Variants in FGF13 observed in about 807,000 individuals in gnomAD.
FGF13 encodes the protein fibroblast growth factor 13.
FGF13 carries 2 observed loss-of-function variants against 19.5 expected under a neutral mutation model. The ratio of observed to expected loss-of-function variants is 0.10; its 90% CI spans 0.04 to 0.32. The LOEUF (loss-of-function observed/expected upper bound fraction) is 0.32. Ranked by LOEUF, FGF13 falls within the 10% of genes least tolerant of loss-of-function variation. The probability of loss-of-function intolerance (pLI) is 1.00; values close to 1 mark genes in which losing one functional copy is unlikely to be tolerated. For synonymous variants in FGF13, 72 were observed against 76.9 expected, an observed-to-expected ratio of 0.94 and a Z score of 0.33; for missense variants, 113 against 192.7, an observed-to-expected ratio of 0.59 and a Z score of 2.45.
chrX:138,792,445 T>A (rs1408828943), intron 3 of FGF13, among the ~76,000 whole-genome samples: 1 of 111,680 alleles, frequency 9.0e-6, no homozygotes, highest in African/African-American at 3.3e-5. Context: ...TTTTTCTCCC[T>A]AGAGCATGTG....
At chrX:139,141,095 A>G (rs1017094828) in intron 1 of FGF13, among the ~76,000 whole-genome samples, 1 of 95,851 alleles carries the variant, frequency 1.0e-5, no homozygotes, top group African/African-American at 4.3e-5. Context: ...ATAGATAGAT[A>G]AGAGTGTACA....
intron 3 of FGF13, among the ~76,000 whole-genome samples, chrX:138,667,206 A>G (rs1339878765): frequency 9.3e-6 from 1 of 107,311 alleles, no homozygotes; most frequent in Non-Finnish European, 1.9e-5. Flanking sequence ...TTTGGAATAT[A>G]TGTATACATA....
intron 3 of FGF13, among the ~76,000 whole-genome samples, chrX:138,678,660 T>C (rs2089697881): frequency 1.8e-5 from 2 of 111,860 alleles, no homozygotes; most frequent in African/African-American, 6.5e-5. Flanking sequence ...TTTGAAATGA[T>C]GGCAAACTTA....
intron 3 of FGF13, among the ~76,000 whole-genome samples, chrX:138,811,339 C>T (rs2090922823): frequency 9.1e-6 from 1 of 110,007 alleles, no homozygotes; most frequent in Non-Finnish European, 1.9e-5. Context: ...GCAAACTATC[C>T]CAAGGACAAA....
chrX:138,724,591 T>C (rs2090171473), intron 1 of FGF13, among the ~76,000 whole-genome samples: 1 of 112,002 alleles, frequency 8.9e-6, no homozygotes, highest in Non-Finnish European at 1.9e-5. Flanking sequence ...TTTTTAAGTA[T>C]AGTGCTTAAC....
At chrX:138,920,311 A>C (rs1028776364) in intron 1 of FGF13, among the ~76,000 whole-genome samples, 2 of 111,658 alleles carry the variant, frequency 1.8e-5, no homozygotes, top group African/African-American at 6.5e-5. Context: ...TGAAGTCAGC[A>C]TAAAAATCCC....
rs139325738 is a variant in FGF13 at position 138,768,955 on chromosome X, T to C, written c.218-60027A>G. Among the ~76,000 whole-genome samples the C allele has an allele frequency of 7.0e-3, 770 of 109,295 alleles. 11 individuals carry two copies. The highest frequency in any genetic ancestry group is 0.024 in the African/African-American group (729 of 29,953). 94.9% of individuals were successfully genotyped at this position (109,295 alleles called of 115,157 possible). On this transcript the variant is annotated intron_variant, in intron 3 of 6. Transcript: ENST00000436198. ...AGCACAGCATACTCTTGACTGCTTT[T>C]GTTCTGTTCTGGGGGTGTCTAATTG...
chrX:139,002,419 G>A (rs1054701167), intron 1 of FGF13, among the ~76,000 whole-genome samples: 6 of 110,913 alleles, frequency 5.4e-5, no homozygotes, highest in Admixed American at 9.6e-5. Flanking sequence ...TAATATTGCC[G>A]TCAAAAAAAT....
chrX:139,164,997 A>G (rs2084069731), intron 1 of FGF13, among the ~76,000 whole-genome samples: 1 of 111,839 alleles, frequency 8.9e-6, no homozygotes, highest in South Asian at 3.7e-4. Context: ...GCTCAGAAGA[A>G]AAGAAGACTA....
At chrX:139,204,277 A>G (rs1391357201), upstream of FGF13, 1 of 464,537 alleles carries the variant, frequency 2.2e-6, no homozygotes. Context: ...GCTGCCTACG[A>G]GAGAGTGGGG....
intron 3 of FGF13, among the ~76,000 whole-genome samples, chrX:138,687,400 A>G (rs1321927004): frequency 8.9e-6 from 1 of 112,463 alleles, no homozygotes; most frequent in Non-Finnish European, 1.9e-5. Context: ...ACACATGAAA[A>G]ATATGCTCAA....
chrX:139,200,912 C>T (rs190438907), intron 1 of FGF13, among the ~76,000 whole-genome samples: 109 of 112,183 alleles, frequency 9.7e-4, no homozygotes, highest in African/African-American at 3.3e-3. Flanking sequence ...TGAGTCAAAG[C>T]TAAGAGAATA....
At chrX:138,992,980 G>C (rs2092024199) in intron 1 of FGF13, among the ~76,000 whole-genome samples, 1 of 111,951 alleles carries the variant, frequency 8.9e-6, no homozygotes, top group Non-Finnish European at 1.9e-5. Flanking sequence ...TGTACCTCTT[G>C]ATATCATGCA....
intron 1 of FGF13, among the ~76,000 whole-genome samples, chrX:139,153,347 GAAAA>G (rs34314115): frequency 1.1e-5 from 1 of 89,200 alleles, no homozygotes; most frequent in South Asian, 5.1e-4. Context: ...AAGAGATAAT[GAAAA>G]AAAAAAAAAA....
intron 1 of FGF13, among the ~76,000 whole-genome samples, chrX:138,984,588 A>AAGAAGAAGAAGAAGAAGAAGAAGGAGG (rs2091982501): frequency 1.7e-4 from 2 of 11,515 alleles, no homozygotes; most frequent in Non-Finnish European, 3.8e-4. Context: ...GAAGAAGAAG[A>AAGAAGAAGAAGAAGAAGAAGAAGGAGG]AGGAGGAGGA....
intron 1 of FGF13, among the ~76,000 whole-genome samples, chrX:139,022,167 T>G (rs2092180576): frequency 9.0e-6 from 1 of 111,362 alleles, no homozygotes; most frequent in Non-Finnish European, 1.9e-5. Context: ...GAAGTAGGAC[T>G]AATGGACTAG....
chrX:138,677,940 C>A (rs1271058585), intron 3 of FGF13, among the ~76,000 whole-genome samples: 1 of 111,981 alleles, frequency 8.9e-6, no homozygotes, highest in East Asian at 2.8e-4. Context: ...AAATGTCCAA[C>A]AATGATAGAC....
rs527595801 is a variant in FGF13, at chrX:139,118,734, C to T, written c.-113+84682G>A. 8.9e-4 allele frequency among the ~76,000 whole-genome samples: 100 copies of T among 111,775 alleles called. 1 individual carries two copies. In the South Asian group the frequency reaches 0.016, roughly 18 times the overall value. On this transcript the variant is annotated intron_variant, in intron 1 of 2. Coordinates refer to the FGF13 transcript ENST00000421460. ...CCACCAGAACTCCCTGAGAGCTTTTCACCTTCCTGCCTTTGCCAGTATCTA... is the reference window on the plus strand; with the variant it reads ...CCACCAGAACTCCCTGAGAGCTTTTTACCTTCCTGCCTTTGCCAGTATCTA...
At chrX:138,897,212 G>A (rs1457013341) in intron 1 of FGF13, among the ~76,000 whole-genome samples, 1 of 111,594 alleles carries the variant, frequency 9.0e-6, no homozygotes, top group Non-Finnish European at 1.9e-5. Flanking sequence ...GTTTCGCCAT[G>A]TTGCCCAGGC....
Sources: gnomAD v4.1 joint callset for allele counts (sites outside exome capture counted in the v4.1 genomes callset) on GRCh38, gnomAD v4.1.1 for gene constraint, MANE v1.5 for transcripts, NCBI Gene and HGNC (gene_info 2026-07-23, HGNC 2026-07-21) for gene names.